ARHGAP32: variants seen among roughly 807,000 people sequenced by gnomAD.
ARHGAP32 encodes the protein rho GTPase-activating protein 32.
ARHGAP32 carries 51 observed loss-of-function variants against 186.5 expected under a neutral mutation model. The observed-to-expected ratio is 0.27, with a 90% CI of 0.22 to 0.35. The LOEUF (loss-of-function observed/expected upper bound fraction) is 0.35. Among genes scored for constraint, ARHGAP32 ranks in the 10% least tolerant of loss-of-function variants. The probability of loss-of-function intolerance (pLI) is 1.00; values close to 1 mark genes in which losing one functional copy is unlikely to be tolerated. For synonymous variants in ARHGAP32, 950 were observed against 964.3 expected, an observed-to-expected ratio of 0.99 and a Z score of 0.27; for missense variants, 2,186 against 2,623.5, an observed-to-expected ratio of 0.83 and a Z score of 3.64.
chr11:129,130,260 C>T (rs150355548), intron 2 of ARHGAP32, among the ~76,000 whole-genome samples: 8 of 152,166 alleles, frequency 5.3e-5, no homozygotes, highest in African/African-American at 1.9e-4. Context: ...TCAATCAGAA[C>T]AGTACAGTTT....
chr11:129,006,218 C>T (rs565984349), intron 11 of ARHGAP32, among the ~76,000 whole-genome samples: 1 of 152,208 alleles, frequency 6.6e-6, no homozygotes, highest in Admixed American at 6.5e-5. Context: ...TAGGGTTGGT[C>T]CCTGGTGCCT....
intron 2 of ARHGAP32, among the ~76,000 whole-genome samples, chr11:129,158,857 T>C (rs1943469988): frequency 6.6e-6 from 1 of 150,390 alleles, no homozygotes; most frequent in South Asian, 2.1e-4. Context: ...ATCATAACAG[T>C]CTCCCAAACA....
rs1555063867 is a variant in ARHGAP32, at chr11:128,985,858, GTATATATATATATA to G, written c.1526+131_1526+144del. 7.3e-5 allele frequency: 7 copies of G among 95,966 alleles called. 1 individual carries two copies. The highest frequency in any genetic ancestry group is 3.8e-5 in the Non-Finnish European group (2 of 52,080). 5.9% of individuals were successfully genotyped at this position (95,966 alleles called of 1,614,324 possible). A position where few individuals can be genotyped will look rare whatever the true frequency, so the allele number is the denominator to read the frequency against. On this transcript the variant is annotated intron_variant, in intron 15 of 22. Transcript: ENST00000682385. Reference sequence around the variant, plus strand: ...TGTGTGTGTGTGTGTGTGTGTGTGTGTATATATATATATATATATATATATATGAAATGGAAGTT... The same window carrying G: ...TGTGTGTGTGTGTGTGTGTGTGTGTGTATATATATATATGAAATGGAAGTT...
At chr11:129,215,144 T>C (rs1428606772) in intron 1 of ARHGAP32, among the ~76,000 whole-genome samples, 10 of 152,162 alleles carry the variant, frequency 6.6e-5, no homozygotes, top group Non-Finnish European at 1.5e-4. Context: ...CTGCTATTCT[T>C]ACAACCACAG....
At chr11:129,085,027 TA>T (rs1698554555) in intron 6 of ARHGAP32, among the ~76,000 whole-genome samples, 1 of 151,364 alleles carries the variant, frequency 6.6e-6, no homozygotes, top group Admixed American at 6.6e-5. Context: ...TTGGTTTTAT[TA>T]TTTTTTTTTT....
chr11:129,219,554 T>C (rs1287538036), intron 1 of ARHGAP32, among the ~76,000 whole-genome samples: 1 of 152,172 alleles, frequency 6.6e-6, no homozygotes, highest in Non-Finnish European at 1.5e-5. Context: ...AACTAAAGTC[T>C]TGCAAACCAG....
Position 128,970,421 on chromosome 11 carries a change from G to C in ARHGAP32, c.4792C>G (p.Gln1598Glu), listed in dbSNP as rs974255225. The change falls in exon 23 of 23, where the codon CAG becomes GAG. Residue 1598 changes from glutamine to glutamate, a missense_variant. Gln to Glu is a conservative substitution (Grantham distance 29, BLOSUM62 2). Around this residue, in one of 5 missense-constraint regions of ARHGAP32, gnomAD observed 1,502 missense variants for 1,570.0 expected, o/e 0.96. Coordinates refer to ENST00000682385, the MANE Select transcript of ARHGAP32 (RefSeq NM_001378024.1). This position sits in a 1 kb window ranked among gnomAD's most constrained non-coding sequence, Gnocchi z 5.8. ...IPPYPTIRRVQSLHAPPSSMI... is the reference protein window; with the variant it reads ...IPPYPTIRRVESLHAPPSSMI... ...GAAGACGGCGGAGCATGGAGAGACT[G>C]CACTCTCCGGATGGTAGGGTACGGT... 24 of 1,614,122 alleles carry C rather than the reference G, an allele frequency of 1.5e-5. No individual in the cohort carries two copies. The highest frequency in any genetic ancestry group is 1.9e-5 in the Non-Finnish European group (23 of 1,180,008).
intron 1 of ARHGAP32, among the ~76,000 whole-genome samples, chr11:129,191,580 G>T (rs1944270463): frequency 6.6e-6 from 1 of 151,792 alleles, no homozygotes; most frequent in Non-Finnish European, 1.5e-5. Context: ...CAAGGGTAAA[G>T]ATCAAAGCCA....
chr11:128,968,776 A>G lies in ARHGAP32; in HGVS notation c.*131T>C. The G allele has an allele frequency of 1.4e-6, 1 of 697,712 alleles. No homozygotes were observed. The highest frequency in any genetic ancestry group is 2.1e-6 in the Non-Finnish European group (1 of 484,610). 43.2% of individuals were successfully genotyped at this position (697,712 alleles called of 1,614,324 possible). A position where few individuals can be genotyped will look rare whatever the true frequency, so the allele number is the denominator to read the frequency against. ...AGGGGAAAAAGATGCTGATTTGTTTACTTTTATTATCATTTTTTAAATGTG... is the reference window on the plus strand; with the variant it reads ...AGGGGAAAAAGATGCTGATTTGTTTGCTTTTATTATCATTTTTTAAATGTG... On this transcript the variant is annotated 3_prime_UTR_variant, in exon 23 of 23. Coordinates refer to ENST00000682385, the MANE Select transcript of ARHGAP32 (RefSeq NM_001378024.1).
intron 12 of ARHGAP32, among the ~76,000 whole-genome samples, chr11:128,989,515 TTCACACACACACACAC>T (rs985989829): frequency 6.9e-5 from 6 of 87,184 alleles, no homozygotes; most frequent in Non-Finnish European, 1.3e-4. Context: ...TGTTTTTTAT[TTCACACACACACACAC>T]ACACACACAC....
intron 10 of ARHGAP32, among the ~76,000 whole-genome samples, chr11:129,051,502 ATTTG>A (rs1358787001): frequency 1.3e-5 from 2 of 152,100 alleles, no homozygotes; most frequent in East Asian, 1.9e-4. Flanking sequence ...TTTCTTGTAA[ATTTG>A]TTTAAGAGCA....
chr11:129,201,498 A>G (rs985259646), intron 1 of ARHGAP32, among the ~76,000 whole-genome samples: 2 of 152,186 alleles, frequency 1.3e-5, no homozygotes, highest in Non-Finnish European at 2.9e-5. Context: ...CTAGAGCCTG[A>G]TATCAGTAAC....
chr11:129,254,748 C>G (rs1293667917), intron 1 of ARHGAP32, among the ~76,000 whole-genome samples: 1 of 152,048 alleles, frequency 6.6e-6, no homozygotes, highest in Non-Finnish European at 1.5e-5. Flanking sequence ...CAACTGGTTA[C>G]TTACAAATGA....
At chr11:128,977,595 A>G (rs149748518) in intron 19 of ARHGAP32, among the ~76,000 whole-genome samples, 7 of 152,174 alleles carry the variant, frequency 4.6e-5, no homozygotes, top group East Asian at 3.9e-4. Context: ...TTGAAAACCC[A>G]TATCAAAGGT....
At chr11:129,062,158 T>C in intron 10 of ARHGAP32, 122 bp downstream of exon 10, 1 of 756,278 alleles carries the variant, frequency 1.3e-6, no homozygotes, top group Non-Finnish European at 2.3e-6. Context: ...CTGCATTTTC[T>C]ATCGTTGCAG....
intron 1 of ARHGAP32, among the ~76,000 whole-genome samples, chr11:129,267,862 TG>T (rs1205162804): frequency 1.3e-5 from 2 of 152,214 alleles, no homozygotes; most frequent in East Asian, 3.9e-4. Context: ...AGAGATCACA[TG>T]GTGAGAGAGG....
chr11:129,152,414 C>T (rs1432849122), intron 2 of ARHGAP32, among the ~76,000 whole-genome samples: 1 of 152,008 alleles, frequency 6.6e-6, no homozygotes, highest in Non-Finnish European at 1.5e-5. Flanking sequence ...ATACCAAAAC[C>T]AGGAAAGGAC....
intron 6 of ARHGAP32, among the ~76,000 whole-genome samples, chr11:129,086,690 G>C (rs985331442): frequency 6.6e-6 from 1 of 151,938 alleles, no homozygotes; most frequent in Non-Finnish European, 1.5e-5. Context: ...GCGTGGTGGT[G>C]GGCGCCTGTA....
Position 129,242,924 on chromosome 11 carries a change from C to A in ARHGAP32, c.-5+36222G>T, listed in dbSNP as rs555155274. Among the ~76,000 whole-genome samples, 9 of 152,172 alleles carry A rather than the reference C, an allele frequency of 5.9e-5. No homozygotes were observed. The South Asian group carries it at 1.9e-3, about 32-fold the overall frequency. The stretch of plus-strand genomic sequence containing the variant: ...CCAAACCACCTCTACTAACTGCACA[C>A]ACACACCTACCTGCACATTTTCCCA... On this transcript the variant is annotated intron_variant, in intron 1 of 6. Transcript: ENST00000525234.
Sources: gnomAD v4.1 joint callset for allele counts (sites outside exome capture counted in the v4.1 genomes callset) on GRCh38, gnomAD v4.1.1 for gene constraint, gnomAD v4.1.1 regional missense constraint, Gnocchi (gnomAD v3.1) non-coding constraint, MANE v1.5 for transcripts, NCBI Gene and HGNC (gene_info 2026-07-23, HGNC 2026-07-21) for gene names.